The following FFAR4 variants were observed in gnomAD, a reference collection of about 807,000 sequenced individuals.
FFAR4 encodes the protein free fatty acid receptor 4.
Under a neutral mutation model 27.0 loss-of-function variants are expected in FFAR4, and 19 were observed. The ratio of observed to expected loss-of-function variants is 0.70; its 90% CI spans 0.49 to 1.03. The LOEUF is 1.03. FFAR4 is among the 50% of genes least tolerant of loss of function. FFAR4 has a pLI of 0.00. For synonymous variants in FFAR4, 254 were observed against 215.6 expected (o/e 1.18, Z -1.56); for missense variants, 476 against 479.0 (o/e 0.99, Z 0.06).
chr10:93,577,949 A>G (rs990197204), intron 2 of FFAR4, among the ~76,000 whole-genome samples: 2 of 152,172 alleles, frequency 1.3e-5, no homozygotes, highest in Admixed American at 6.5e-5. Context: ...AGCAAGACAC[A>G]TTCTCTATCC....
chr10:93,586,379 C>T (rs752152003), intron 2 of FFAR4, among the ~76,000 whole-genome samples: 9 of 152,104 alleles, frequency 5.9e-5, no homozygotes, highest in African/African-American at 9.7e-5. Context: ...TCCCCAGCCC[C>T]GCAGAACTAT....
chr10:93,576,662 G>A (rs986026106), intron 2 of FFAR4, among the ~76,000 whole-genome samples: 1 of 152,104 alleles, frequency 6.6e-6, no homozygotes, highest in Non-Finnish European at 1.5e-5. Flanking sequence ...GTTCTTTTCA[G>A]ATATGAGATA....
intron 1 of FFAR4, 84 bp from the exon 2 acceptor site, chr10:93,576,007 T>A (rs1287575216): frequency 7.3e-7 from 1 of 1,375,282 alleles, no homozygotes; most frequent in Non-Finnish European, 1.0e-6. Context: ...ACCGTGTAAG[T>A]GTCAGGAAAC....
At chr10:93,576,696 T>A (rs1488779117) in intron 2 of FFAR4, among the ~76,000 whole-genome samples, 2 of 152,180 alleles carry the variant, frequency 1.3e-5, no homozygotes, top group Non-Finnish European at 2.9e-5. Flanking sequence ...TGTAACTCCT[T>A]TTTTCACTTA....
chr10:93,575,416 C>G (rs2058158080), intron 1 of FFAR4, among the ~76,000 whole-genome samples: 1 of 152,210 alleles, frequency 6.6e-6, no homozygotes, highest in Non-Finnish European at 1.5e-5. Flanking sequence ...ACATTTGGAT[C>G]AATACAACAT....
At chr10:93,584,284 G>A (rs916867604) in intron 2 of FFAR4, among the ~76,000 whole-genome samples, 3 of 152,180 alleles carry the variant, frequency 2.0e-5, no homozygotes, top group Admixed American at 6.5e-5. Flanking sequence ...GAGGGGAGGG[G>A]AGAGCTGAAT....
Position 93,587,650 on chromosome 10 carries a change from G to T in FFAR4, c.*41G>T. ...GAGTTTCTCACACCTGGCGAGCTGTGGCATGCTTTTAAACAGAGTTCATTT... is the reference window on the plus strand; with the variant it reads ...GAGTTTCTCACACCTGGCGAGCTGTTGCATGCTTTTAAACAGAGTTCATTT... On this transcript the variant is annotated 3_prime_UTR_variant, in exon 3 of 3. Coordinates refer to ENST00000371481, the MANE Select transcript of FFAR4 (RefSeq NM_001195755.2). 1 of 1,580,464 alleles carries T rather than the reference G, an allele frequency of 6.3e-7. No individual in the cohort carries two copies. The highest frequency in any genetic ancestry group is 1.1e-5 in the South Asian group (1 of 87,108).
chr10:93,587,203 G>A lies in FFAR4; in HGVS notation c.697-17G>A, dbSNP rs1242873583. The A allele has an allele frequency of 1.2e-6, 2 of 1,601,884 alleles. No homozygotes were observed. Among genetic ancestry groups the A allele is most frequent in the Admixed American group, 3.4e-5 (2 of 59,136 alleles). Reference sequence around the variant, plus strand: ...CTCGGTCACCTGTGGCTCCAGTCCTGTTTTGGTTTTCCACAGATCACAAAG... The same window carrying A: ...CTCGGTCACCTGTGGCTCCAGTCCTATTTTGGTTTTCCACAGATCACAAAG... On this transcript the variant is annotated splice_polypyrimidine_tract_variant and intron_variant, in intron 2 of 2. Coordinates refer to ENST00000371481, the MANE Select transcript of FFAR4 (RefSeq NM_001195755.2).
At position 93,587,668 on chromosome 10, in the gene FFAR4, GTTCAT is replaced by G; in HGVS notation, c.*63_*67del. The G allele has an allele frequency of 2.6e-6, 4 of 1,530,634 alleles. No individual in the cohort carries two copies. The highest frequency in any genetic ancestry group is 3.5e-6 in the Non-Finnish European group (4 of 1,131,268). 94.8% of individuals were successfully genotyped at this position (1,530,634 alleles called of 1,614,324 possible). ...GAGCTGTGGCATGCTTTTAAACAGA[GTTCAT>G]TTCCAGTACCCTCCATCAGTGCACC... On this transcript the variant is annotated 3_prime_UTR_variant, in exon 3 of 3. Transcript: ENST00000371481.
intron 2 of FFAR4, among the ~76,000 whole-genome samples, chr10:93,583,834 C>A (rs1037689531): frequency 1.3e-5 from 2 of 152,236 alleles, no homozygotes; most frequent in African/African-American, 2.4e-5. Context: ...AAGGGCCTGG[C>A]ACATAGTAGG....
chr10:93,566,724 TC>T lies in FFAR4; in HGVS notation c.8del (p.Pro3LeufsTer115). On this transcript the variant is annotated frameshift_variant, in exon 1 of 3. Coordinates refer to ENST00000371481, the MANE Select transcript of FFAR4 (RefSeq NM_001195755.2). LOFTEE classifies it high-confidence loss of function. M[S>X]PECARAAGDA... ...TGCGGGCCGCCAGGCGCCGGGAATGTCCCCTGAATGCGCGCGGGCAGCGGGC... is the reference window on the plus strand; with the variant it reads ...TGCGGGCCGCCAGGCGCCGGGAATGTCCCTGAATGCGCGCGGGCAGCGGGC... 6.3e-7 allele frequency: 1 copy of T among 1,586,618 alleles called. No homozygotes were observed.
chr10:93,572,549 T>C (rs1027517838), intron 1 of FFAR4, among the ~76,000 whole-genome samples: 4 of 152,012 alleles, frequency 2.6e-5, no homozygotes, highest in African/African-American at 7.3e-5. Flanking sequence ...TGGTAAGGGT[T>C]GGGGGTAGGC....
At chr10:93,576,962 A>T (rs1421900362) in intron 2 of FFAR4, among the ~76,000 whole-genome samples, 1 of 152,252 alleles carries the variant, frequency 6.6e-6, no homozygotes, top group African/African-American at 2.4e-5. Context: ...TCCCAGGTCA[A>T]GAAATGGAAT....
intron 1 of FFAR4, among the ~76,000 whole-genome samples, chr10:93,569,241 G>A (rs566191093): frequency 6.6e-6 from 1 of 152,184 alleles, no homozygotes; most frequent in Non-Finnish European, 1.5e-5. Flanking sequence ...TATCTTGAAG[G>A]TATCTTAAGT....
chr10:93,572,871 G>C (rs542864424), intron 1 of FFAR4, among the ~76,000 whole-genome samples: 1 of 152,220 alleles, frequency 6.6e-6, no homozygotes, highest in African/African-American at 2.4e-5. Flanking sequence ...AAAAGGAGCC[G>C]TGGAAATGAG....
intron 1 of FFAR4, among the ~76,000 whole-genome samples, chr10:93,574,179 A>G (rs2058148629): frequency 6.6e-6 from 1 of 152,178 alleles, no homozygotes; most frequent in South Asian, 2.1e-4. Context: ...ATAGAAGCAC[A>G]TGGTTTAGGG....
At chr10:93,573,552 G>A (rs150677696) in intron 1 of FFAR4, among the ~76,000 whole-genome samples, 110 of 152,246 alleles carry the variant, frequency 7.2e-4, no homozygotes, top group Middle Eastern at 6.8e-3. Context: ...ATCTCTGTGG[G>A]CATGGCACCT....
intron 2 of FFAR4, among the ~76,000 whole-genome samples, chr10:93,580,508 G>A (rs1047975013): frequency 2.6e-5 from 4 of 152,164 alleles, no homozygotes; most frequent in Non-Finnish European, 4.4e-5. Flanking sequence ...GGAAATGCTG[G>A]GATAGGCTAG....
intron 1 of FFAR4, 93 bp from the exon 2 acceptor site, chr10:93,575,998 C>A: frequency 7.8e-7 from 1 of 1,276,890 alleles, no homozygotes; most frequent in Non-Finnish European, 1.1e-6. Context: ...GGCAATGCAA[C>A]CGTGTAAGTG....
Sources: allele counts gnomAD v4.1 joint callset (sites outside exome capture counted in the v4.1 genomes callset), GRCh38; gene constraint gnomAD v4.1.1; transcripts MANE v1.5; gene names NCBI Gene and HGNC (gene_info 2026-07-23, HGNC 2026-07-21).